The following ANOS1 variants were observed in gnomAD, a reference collection of about 807,000 sequenced individuals.
ANOS1 encodes the protein anosmin-1.
In ANOS1, 6 loss-of-function variants were observed where a neutral mutation model predicts 59.0. That is an observed-to-expected ratio of 0.10 (90% CI 0.06 to 0.20). The LOEUF (loss-of-function observed/expected upper bound fraction) is 0.20. Ranked by LOEUF, ANOS1 falls within the 10% of genes least tolerant of loss-of-function variation. The probability of loss-of-function intolerance (pLI) is 1.00; values close to 1 mark genes in which losing one functional copy is unlikely to be tolerated. For missense variants in ANOS1, 433 were observed against 542.3 expected (o/e 0.80, Z 2.00); for synonymous variants, 217 against 223.4 (o/e 0.97, Z 0.25).
At chrX:8,671,705 G>T (rs991338534) in intron 2 of ANOS1, among the ~76,000 whole-genome samples, 1 of 107,567 alleles carries the variant, frequency 9.3e-6, no homozygotes, top group African/African-American at 3.4e-5. Flanking sequence ...ATATATATAA[G>T]ACCAGTATAC....
At chrX:8,609,510 G>T (rs956547416) in intron 3 of ANOS1, among the ~76,000 whole-genome samples, 1 of 111,614 alleles carries the variant, frequency 9.0e-6, no homozygotes, top group African/African-American at 3.3e-5. Flanking sequence ...TATTACGAGG[G>T]TATTTTAAGA....
intron 2 of ANOS1, among the ~76,000 whole-genome samples, chrX:8,678,853 T>A (rs1932376786): frequency 8.9e-6 from 1 of 111,827 alleles, no homozygotes; most frequent in East Asian, 2.8e-4. Flanking sequence ...ACAGTTGTAA[T>A]CCACAGCCTC....
intron 2 of ANOS1, among the ~76,000 whole-genome samples, chrX:8,691,230 C>T (rs1286586334): frequency 9.1e-6 from 1 of 109,853 alleles, no homozygotes; most frequent in East Asian, 2.9e-4. Flanking sequence ...TGCACCACCA[C>T]ACCCGGCTAA....
chrX:8,630,394 C>A (rs1931467552), intron 2 of ANOS1, among the ~76,000 whole-genome samples: 1 of 111,141 alleles, frequency 9.0e-6, no homozygotes, highest in Non-Finnish European at 1.9e-5. Flanking sequence ...TGTGCCACTG[C>A]ACTACAGCCT....
chrX:8,633,279 C>T (rs1050282653), intron 2 of ANOS1, among the ~76,000 whole-genome samples: 1 of 111,616 alleles, frequency 9.0e-6, no homozygotes, highest in Non-Finnish European at 1.9e-5. Context: ...ACACGGGCCT[C>T]ATTTTATCAC....
intron 2 of ANOS1, among the ~76,000 whole-genome samples, chrX:8,659,245 A>G (rs1246790553): frequency 2.8e-5 from 3 of 107,928 alleles, no homozygotes; most frequent in Non-Finnish European, 1.9e-5. Flanking sequence ...AAAAAAAAAT[A>G]CACATCTATG....
At chrX:8,602,156 T>C (rs1930854704) in intron 3 of ANOS1, among the ~76,000 whole-genome samples, 1 of 112,528 alleles carries the variant, frequency 8.9e-6, no homozygotes, top group African/African-American at 3.2e-5. Context: ...TTTTCTTTCA[T>C]AATTCTCTTG....
At chrX:8,676,615 A>G (rs1026772163) in intron 2 of ANOS1, among the ~76,000 whole-genome samples, 3 of 112,124 alleles carry the variant, frequency 2.7e-5, no homozygotes, top group African/African-American at 9.7e-5. Flanking sequence ...CCACCCATGT[A>G]ACACGGTCAT....
chrX:8,600,481 A>C (rs1238060573), intron 3 of ANOS1, among the ~76,000 whole-genome samples: 1 of 112,577 alleles, frequency 8.9e-6, no homozygotes, highest in African/African-American at 3.2e-5. Context: ...TGAAAATAAC[A>C]TGAGTTGACT....
In ANOS1 at chrX:8,656,076, G is replaced by C. The variant is rs757285824; in HGVS notation, c.256-32406C>G. On this transcript the variant is annotated intron_variant, in intron 2 of 13. Transcript: ENST00000262648. ...CAAGGGTAGCAGCCAGTAAATATCA[G>C]GAATGGAGCTAAGGAATCAGAAAAT... Among the ~76,000 whole-genome samples, 4 of 112,150 alleles carry C rather than the reference G, an allele frequency of 3.6e-5. No homozygotes were observed. In the South Asian group the frequency reaches 1.5e-3, roughly 42 times the overall value.
intron 1 of ANOS1, among the ~76,000 whole-genome samples, chrX:8,725,685 TATATATATACAG>T (rs1188396246): frequency 8.0e-5 from 4 of 49,950 alleles, no homozygotes; most frequent in African/African-American, 4.2e-4. Context: ...TATACAGATA[TATATATATACAG>T]ATATATATAT....
chrX:8,600,958 A>G lies in ANOS1; in HGVS notation c.319-3702T>C, dbSNP rs781547961. ...GTAATCCCAGCACTTTGGGAGGCCG[A>G]GGCAGGTGGATCACGAGGTCAGGAG... On this transcript the variant is annotated intron_variant, in intron 3 of 13. Coordinates refer to ENST00000262648, the MANE Select transcript of ANOS1 (RefSeq NM_000216.4). Among the ~76,000 whole-genome samples the G allele has an allele frequency of 3.7e-4, 41 of 111,715 alleles. No homozygotes were observed. In the South Asian group the frequency reaches 4.9e-3, roughly 13 times the overall value.
At chrX:8,613,554 C>A (rs1931105148) in intron 3 of ANOS1, among the ~76,000 whole-genome samples, 1 of 111,139 alleles carries the variant, frequency 9.0e-6, no homozygotes, top group South Asian at 3.8e-4. Context: ...TCATTTTAAG[C>A]AATTGCACAT....
At chrX:8,671,059 C>T (rs1052152027) in intron 2 of ANOS1, among the ~76,000 whole-genome samples, 12 of 111,606 alleles carry the variant, frequency 1.1e-4, no homozygotes, top group Non-Finnish European at 2.1e-4. Context: ...ACCAGACTCC[C>T]GCTTTCCATT....
At chrX:8,706,038 C>T (rs1932777861) in intron 1 of ANOS1, among the ~76,000 whole-genome samples, 1 of 112,525 alleles carries the variant, frequency 8.9e-6, no homozygotes, top group Non-Finnish European at 1.9e-5. Flanking sequence ...TTTTCCAAGT[C>T]TTTTCATTTC....
At position 8,611,980 on chromosome X, in the gene ANOS1, A is replaced by G. The variant is rs186725805; in HGVS notation, c.318+11628T>C. Among the ~76,000 whole-genome samples, 937 of 112,127 alleles carry G rather than the reference A, an allele frequency of 8.4e-3. 18 individuals are homozygous for G. Among genetic ancestry groups the G allele is most frequent in the African/African-American group, 0.029 (887 of 31,053 alleles). On this transcript the variant is annotated intron_variant, in intron 3 of 13. Transcript: ENST00000262648. ...AGAAGATAAGTTTAAAGCAAAAACC[A>G]TAAAAATGTGATGTGGAGCTTGCAA...
Position 8,694,001 on chromosome X carries a change from C to T in ANOS1, c.255+5697G>A, listed in dbSNP as rs1160302123. On this transcript the variant is annotated intron_variant, in intron 2 of 13. Coordinates refer to ENST00000262648, the MANE Select transcript of ANOS1 (RefSeq NM_000216.4). ...CCTCCCAAAGTGCTGGGATTACAGG[C>T]GTGGGCCACCGCCCCAGGCTGGAAT... Among the ~76,000 whole-genome samples, 5 of 111,156 alleles carry T rather than the reference C, an allele frequency of 4.5e-5. No homozygotes were observed. In the East Asian group the frequency reaches 8.5e-4, roughly 19 times the overall value.
At chrX:8,731,429 C>G (rs1017360269) in intron 1 of ANOS1, among the ~76,000 whole-genome samples, 7 of 111,493 alleles carry the variant, frequency 6.3e-5, no homozygotes, top group Non-Finnish European at 1.1e-4. Context: ...GACGCGCCTC[C>G]CAGACTCCCT....
intron 4 of ANOS1, among the ~76,000 whole-genome samples, chrX:8,593,161 G>A (rs978910640): frequency 1.8e-5 from 2 of 111,616 alleles, no homozygotes; most frequent in African/African-American, 6.5e-5. Context: ...TTATTTAAAG[G>A]TTAGAAAAAC....
Sources: gnomAD v4.1 joint callset for allele counts (sites outside exome capture counted in the v4.1 genomes callset) on GRCh38, gnomAD v4.1.1 for gene constraint, MANE v1.5 for transcripts, NCBI Gene and HGNC (gene_info 2026-07-23, HGNC 2026-07-21) for gene names.